Variants in TRAK1 observed in about 807,000 individuals in gnomAD.
TRAK1 encodes trafficking kinesin protein 1.
Under a neutral mutation model 92.1 loss-of-function variants are expected in TRAK1, and 33 were observed. That is an observed-to-expected ratio of 0.36 (90% confidence interval 0.27 to 0.48). The LOEUF (loss-of-function observed/expected upper bound fraction) is 0.48. TRAK1 is among the 20% of genes least tolerant of loss of function. The pLI is 0.99. For synonymous variants in TRAK1, 521 were observed against 517.3 expected (o/e 1.01, Z -0.10); for missense variants, 1,123 against 1,257.9 (o/e 0.89, Z 1.62).
intron 2 of TRAK1, among the ~76,000 whole-genome samples, chr3:42,152,705 C>T (rs1274038487): frequency 6.6e-6 from 1 of 152,212 alleles, no homozygotes; most frequent in East Asian, 1.9e-4. Flanking sequence ...TTCTTGGCTA[C>T]ACTGGCCACT....
intron 3 of TRAK1, among the ~76,000 whole-genome samples, chr3:42,180,537 A>G (rs1463591242): frequency 4.6e-5 from 7 of 152,092 alleles, no homozygotes; most frequent in Admixed American, 3.9e-4. Context: ...AAAATTAGAT[A>G]GGCATGGTGG....
In TRAK1 at chr3:42,224,475, T is replaced by C. The variant is rs983624483; in HGVS notation, c.*738T>C. ...GTTGTTCAGCAGCCCCTCTGTGTTC[T>C]GTGTGATTTGTTTTATTTTTCCTTT... On this transcript the variant is annotated 3_prime_UTR_variant, in exon 16 of 16. Coordinates refer to ENST00000327628, the MANE Select transcript of TRAK1 (RefSeq NM_001042646.3). 6.3e-5 allele frequency: 11 copies of C among 173,586 alleles called. No individual in the cohort carries two copies. Among genetic ancestry groups the C allele is most frequent in the Non-Finnish European group, 1.2e-4 (10 of 82,840 alleles). 10.8% of individuals were successfully genotyped at this position (173,586 alleles called of 1,614,324 possible). A position where few individuals can be genotyped will look rare whatever the true frequency, so the allele number is the denominator to read the frequency against.
At chr3:42,188,170 C>T (rs1487586184) in intron 5 of TRAK1, 25 bp downstream of exon 5, 3 of 1,611,006 alleles carry the variant, frequency 1.9e-6, no homozygotes, top group Admixed American at 1.7e-5. Context: ...GGCTGTATTT[C>T]TGGAGGCCAG....
At chr3:42,160,329 G>C (rs747275593) in intron 2 of TRAK1, 1 of 1,613,080 alleles carries the variant, frequency 6.2e-7, no homozygotes, top group Non-Finnish European at 8.5e-7. Flanking sequence ...TGGTCCCTTA[G>C]GGTGATGTTT....
intron 1 of TRAK1, among the ~76,000 whole-genome samples, chr3:42,123,383 C>A (rs1163185337): frequency 3.9e-5 from 6 of 152,244 alleles, no homozygotes; most frequent in African/African-American, 1.4e-4. Context: ...GGGACTGGTT[C>A]TCCCTGCTGT....
chr3:42,103,679 T>G (rs1276278155), intron 1 of TRAK1, among the ~76,000 whole-genome samples: 1 of 152,088 alleles, frequency 6.6e-6, no homozygotes, highest in Non-Finnish European at 1.5e-5. Context: ...GAGGATCACT[T>G]GAGCTCAAGA....
At chr3:42,117,357 C>T (rs1055477387) in intron 1 of TRAK1, among the ~76,000 whole-genome samples, 9 of 115,406 alleles carry the variant, frequency 7.8e-5, no homozygotes, top group East Asian at 2.6e-4. Flanking sequence ...CAGGGCCTCT[C>T]GGCTTCCAGC....
chr3:42,194,781 C>T (rs1255043202), intron 9 of TRAK1, 23 bp from the exon 10 acceptor site: 1 of 1,612,050 alleles, frequency 6.2e-7, no homozygotes, highest in Non-Finnish European at 8.5e-7. Context: ...GATCCTGACC[C>T]TCTGTGTCTT....
At position 42,026,492 on chromosome 3, in the gene TRAK1, T is replaced by TGGATCTCA. The variant is rs539835267; in HGVS notation, c.-519+12377_-519+12384dup. Reference sequence around the variant, plus strand: ...ATCACCTCTTCTGCAGCTGTTATCCTGGATCTCAGTGATCAAAGAGATCAG... The same window carrying TGGATCTCA: ...ATCACCTCTTCTGCAGCTGTTATCCTGGATCTCAGGATCTCAGTGATCAAAGAGATCAG... On this transcript the variant is annotated intron_variant, in intron 1 of 16. Coordinates refer to the TRAK1 transcript ENST00000487159. Among the ~76,000 whole-genome samples, 21 of 151,808 alleles carry TGGATCTCA rather than the reference T, an allele frequency of 1.4e-4. No individual in the cohort carries two copies. In the East Asian group the frequency reaches 3.9e-3, roughly 28 times the overall value.
chr3:42,121,645 C>T (rs752060494), intron 1 of TRAK1, among the ~76,000 whole-genome samples: 4 of 152,176 alleles, frequency 2.6e-5, no homozygotes, highest in Non-Finnish European at 5.9e-5. Context: ...AACATGGTGT[C>T]TCCTTCCATA....
chr3:42,054,816 T>C (rs1298024531), intron 1 of TRAK1, among the ~76,000 whole-genome samples: 1 of 151,790 alleles, frequency 6.6e-6, no homozygotes. Flanking sequence ...TGATTATCTC[T>C]GAACTTTTGT....
chr3:42,193,211 G>T lies in TRAK1; in HGVS notation c.900+6G>T. On this transcript the variant is annotated splice_donor_region_variant and intron_variant, in intron 8 of 15. Transcript: ENST00000327628. The stretch of plus-strand genomic sequence containing the variant: ...TGCAGAAAAAGGCAAAAGCTGTAAG[G>T]CTTCTCTGTTTATCTGGCTGATACA... The T allele has an allele frequency of 6.2e-7, 1 of 1,613,794 alleles. No individual in the cohort carries two copies. The highest frequency in any genetic ancestry group is 8.5e-7 in the Non-Finnish European group (1 of 1,179,850).
In TRAK1 at chr3:42,191,895, A is replaced by ATTTTTTTTTTTTTTT. The variant is rs68023368; in HGVS notation, c.769+268_769+282dup. On this transcript the variant is annotated intron_variant, in intron 7 of 15. Coordinates refer to ENST00000327628, the MANE Select transcript of TRAK1 (RefSeq NM_001042646.3). ...TTTGGCTTTATACTGGAATATTGGA[A>ATTTTTTTTTTTTTTT]TTTTTTTTTTTTTTTTTTTTTTTGA... Among the ~76,000 whole-genome samples the ATTTTTTTTTTTTTTT allele has an allele frequency of 4.1e-4, 30 of 72,764 alleles. 5 individuals are homozygous for ATTTTTTTTTTTTTTT. Among genetic ancestry groups the ATTTTTTTTTTTTTTT allele is most frequent in the African/African-American group, 8.1e-4 (14 of 17,230 alleles). 47.7% of individuals were successfully genotyped at this position (72,764 alleles called of 152,430 possible).
At chr3:42,078,960 C>T (rs1038322457) in intron 1 of TRAK1, among the ~76,000 whole-genome samples, 6 of 152,068 alleles carry the variant, frequency 3.9e-5, no homozygotes, top group African/African-American at 9.7e-5. Context: ...GCCCAGCTGA[C>T]GGCCAGCAGG....
At chr3:42,158,787 CAAAAAAA>C (rs149521969) in intron 2 of TRAK1, among the ~76,000 whole-genome samples, 27 of 69,538 alleles carry the variant, frequency 3.9e-4, no homozygotes, top group East Asian at 1.0e-3. Flanking sequence ...ACAAAAAATA[CAAAAAAA>C]AAAAAAAAAA....
chr3:42,213,617 C>T (rs1163260065), intron 14 of TRAK1, among the ~76,000 whole-genome samples: 2 of 152,192 alleles, frequency 1.3e-5, no homozygotes, highest in African/African-American at 2.4e-5. Flanking sequence ...TTTGCCCGGG[C>T]GGGGCAGCTA....
chr3:42,186,409 A>G (rs1338989562), intron 4 of TRAK1, among the ~76,000 whole-genome samples: 1 of 152,214 alleles, frequency 6.6e-6, no homozygotes, highest in East Asian at 1.9e-4. Flanking sequence ...TGGGTTTAAC[A>G]GTAGTTTTAA....
chr3:42,199,347 CG>C, intron 11 of TRAK1, 94 bp downstream of exon 11: 3 of 1,233,022 alleles, frequency 2.4e-6, no homozygotes. Flanking sequence ...CTCTGGGTAC[CG>C]ACAGTGATTG....
chr3:42,202,592 G>A lies in TRAK1; in HGVS notation c.1584G>A (p.Ala528=), dbSNP rs369449368. ...EEQERKLQEL[A]EKGELRSGSL... ...AAGAGAGGAAGCTCCAGGAGCTGGCGGAGAAGGGCGAGCTGCGCAGCGGCT... is the reference window on the plus strand; with the variant it reads ...AAGAGAGGAAGCTCCAGGAGCTGGCAGAGAAGGGCGAGCTGCGCAGCGGCT... Residue 528 remains alanine (A), a synonymous_variant, in exon 13 of 16, where the codon GCG becomes GCA. Coordinates refer to ENST00000327628, the MANE Select transcript of TRAK1 (RefSeq NM_001042646.3). The surrounding 1 kb of genome is among the most constrained non-coding windows in gnomAD (Gnocchi z 6.1). 1.8e-5 allele frequency: 29 copies of A among 1,591,220 alleles called. No homozygotes were observed. The highest frequency in any genetic ancestry group is 6.8e-5 in the East Asian group (3 of 44,108).
Sources: gnomAD v4.1 joint callset for allele counts (sites outside exome capture counted in the v4.1 genomes callset) on GRCh38, gnomAD v4.1.1 for gene constraint, Gnocchi (gnomAD v3.1) non-coding constraint, MANE v1.5 for transcripts, NCBI Gene and HGNC (gene_info 2026-07-23, HGNC 2026-07-21) for gene names.